The following ATP7A variants were observed in gnomAD, a reference collection of about 807,000 sequenced individuals.
ATP7A encodes the protein copper-transporting ATPase 1.
Under a neutral mutation model 83.5 loss-of-function variants are expected in ATP7A, and 7 were observed. The ratio of observed to expected loss-of-function variants is 0.08; its 90% CI spans 0.05 to 0.16. The LOEUF (loss-of-function observed/expected upper bound fraction) is 0.16. Ranked by LOEUF, ATP7A falls within the 10% of genes least tolerant of loss-of-function variation. ATP7A has a pLI of 1.00. For missense variants in ATP7A, 940 were observed against 1,120.8 expected (o/e 0.84, Z 2.30); for synonymous variants, 354 against 395.2 (o/e 0.90, Z 1.24).
At chrX:77,974,489 T>C (rs181246931) in intron 2 of ATP7A, among the ~76,000 whole-genome samples, 23 of 111,315 alleles carry the variant, frequency 2.1e-4, no homozygotes, top group African/African-American at 2.9e-4. Context: ...CTTTTTTTTT[T>C]CCCTTGTATT....
At chrX:78,038,705 C>A in intron 17 of ATP7A, 131 bp from the exon 18 acceptor site, 1 of 744,667 alleles carries the variant, frequency 1.3e-6, no homozygotes, top group Non-Finnish European at 2.0e-6. Flanking sequence ...TTGAACATCA[C>A]TGTTGGAGGC....
At chrX:77,955,072 A>G (rs1389965192) in intron 1 of ATP7A, among the ~76,000 whole-genome samples, 2 of 111,109 alleles carry the variant, frequency 1.8e-5, no homozygotes, top group African/African-American at 6.5e-5. Flanking sequence ...CATTAAATAT[A>G]TAGTTGCATT....
At chrX:78,027,692 A>G (rs1557236490) in intron 14 of ATP7A, among the ~76,000 whole-genome samples, 1 of 112,158 alleles carries the variant, frequency 8.9e-6, no homozygotes, top group East Asian at 2.8e-4. Flanking sequence ...TTCAAATTAT[A>G]CTGCAAGGCT....
chrX:78,014,611 C>A (rs782649128), intron 10 of ATP7A, 51 bp from the exon 11 acceptor site: 1 of 963,934 alleles, frequency 1.0e-6, no homozygotes, highest in East Asian at 3.1e-5. Flanking sequence ...TTAGTTAAGA[C>A]CTGAACTTTT....
intron 14 of ATP7A, among the ~76,000 whole-genome samples, chrX:78,025,031 C>T (rs781986221): frequency 5.4e-5 from 6 of 111,605 alleles, no homozygotes; most frequent in Admixed American, 2.9e-4. Flanking sequence ...ACAGGGACCT[C>T]TGCACCCTAA....
intron 1 of ATP7A, among the ~76,000 whole-genome samples, chrX:77,914,598 C>T (rs2077175770): frequency 9.1e-6 from 1 of 110,449 alleles, no homozygotes; most frequent in Admixed American, 9.7e-5. Context: ...AGGGGTTTTG[C>T]CATGTTGGTC....
At position 78,043,174 on chromosome X, in the gene ATP7A, A is replaced by C. The variant is rs953024168; in HGVS notation, c.4006-143A>C. On this transcript the variant is annotated intron_variant, in intron 20 of 22. Coordinates refer to ENST00000341514, the MANE Select transcript of ATP7A (RefSeq NM_000052.7). ...AAAACACCTTCGGAAGCTGAGTCTA[A>C]GTTTTAGCATTATCTGAGATTTGTA... 3.9e-5 allele frequency: 22 copies of C among 567,339 alleles called. No individual in the cohort carries two copies. In the African/African-American group the frequency reaches 4.3e-4, roughly 11 times the overall value. 46.8% of individuals were successfully genotyped at this position (567,339 alleles called of 1,213,427 possible).
chrX:78,035,322 G>T (rs1319345357), intron 17 of ATP7A, among the ~76,000 whole-genome samples: 1 of 111,469 alleles, frequency 9.0e-6, no homozygotes, highest in Non-Finnish European at 1.9e-5. Flanking sequence ...CCTCCCTCCC[G>T]ATTTGTGCCT....
chrX:78,011,177 G>C lies in ATP7A; in HGVS notation c.1871G>C (p.Ser624Thr), dbSNP rs1603385258. The C allele has an allele frequency of 8.3e-7, 1 of 1,207,513 alleles. No homozygotes were observed. The highest frequency in any genetic ancestry group is 1.7e-5 in the African/African-American group (1 of 57,592). The change falls in exon 8 of 23, where the codon AGC becomes ACC. Residue 624 changes from serine (S) to threonine (T), a missense_variant and splice_region_variant. Transcript: ENST00000341514. ...TTTTTTTCTCATGAATTTCCTTAGA[G>C]CTTAGGTTTTGAAGCTTCTTTGGTC... ...GPRDIIHTIE[S>T]LGFEASLVKK...
chrX:77,915,879 C>A (rs1232359686), intron 1 of ATP7A, among the ~76,000 whole-genome samples: 1 of 111,469 alleles, frequency 9.0e-6, no homozygotes, highest in Non-Finnish European at 1.9e-5. Flanking sequence ...TGCCACCACA[C>A]CCGGCTAATT....
At chrX:78,017,544 C>T (rs2077874453) in intron 12 of ATP7A, among the ~76,000 whole-genome samples, 1 of 111,810 alleles carries the variant, frequency 8.9e-6, no homozygotes, top group African/African-American at 3.3e-5. Flanking sequence ...TTTTCCAAGC[C>T]TTTATGCTCT....
chrX:77,951,404 A>C (rs2077412984), intron 1 of ATP7A, among the ~76,000 whole-genome samples: 1 of 111,448 alleles, frequency 9.0e-6, no homozygotes, highest in African/African-American at 3.3e-5. Flanking sequence ...ATGGTTTCTA[A>C]AAATGTTCAC....
At chrX:78,025,534 T>C (rs1435575865) in intron 14 of ATP7A, among the ~76,000 whole-genome samples, 2 of 110,942 alleles carry the variant, frequency 1.8e-5, no homozygotes, top group African/African-American at 3.3e-5. Context: ...AAAAAACAAA[T>C]GGAACTGCTG....
intron 1 of ATP7A, among the ~76,000 whole-genome samples, chrX:77,932,808 G>A (rs2077296508): frequency 8.9e-6 from 1 of 112,365 alleles, no homozygotes; most frequent in Non-Finnish European, 1.9e-5. Flanking sequence ...GGCAGGCTGA[G>A]GCAGGAGAAT....
chrX:78,021,117 C>T (rs1557235744), intron 14 of ATP7A, 38 bp downstream of exon 14: 3 of 1,159,799 alleles, frequency 2.6e-6, no homozygotes, highest in Admixed American at 2.2e-5. Context: ...ATATGCAGAA[C>T]AATTTGTGAG....
At chrX:77,981,573 G>A (rs782088505) in intron 2 of ATP7A, among the ~76,000 whole-genome samples, 2 of 111,989 alleles carry the variant, frequency 1.8e-5, no homozygotes, top group Non-Finnish European at 3.8e-5. Flanking sequence ...ACTTTGGGAG[G>A]CCAAGGTGGG....
intron 9 of ATP7A, chrX:78,011,904 T>A (rs2077829246): frequency 5.3e-6 from 2 of 375,662 alleles, no homozygotes; most frequent in Non-Finnish European, 9.2e-6. Context: ...TTATATCTGC[T>A]ACTGTATATA....
chrX:77,986,542 AATTTCCTCCTG>A (rs2077637731), intron 2 of ATP7A, among the ~76,000 whole-genome samples: 1 of 111,079 alleles, frequency 9.0e-6, no homozygotes, highest in Non-Finnish European at 1.9e-5. Context: ...TTAACCTCTT[AATTTCCTCCTG>A]ATTTCCTCCT....
At chrX:78,016,860 G>T (rs1434860781) in intron 12 of ATP7A, among the ~76,000 whole-genome samples, 1 of 112,365 alleles carries the variant, frequency 8.9e-6, no homozygotes, top group East Asian at 2.8e-4. Flanking sequence ...TCACTGGCTG[G>T]TGTTGAGTGT....
Sources: gnomAD v4.1 joint callset for allele counts (sites outside exome capture counted in the v4.1 genomes callset) on GRCh38, gnomAD v4.1.1 for gene constraint, MANE v1.5 for transcripts, NCBI Gene and HGNC (gene_info 2026-07-23, HGNC 2026-07-21) for gene names.